Variants in MDGA2 observed in about 807,000 individuals in gnomAD.
The protein encoded by MDGA2 is MAM domain-containing glycosylphosphatidylinositol anchor protein 2.
A neutral mutation model predicts 117.8 loss-of-function variants in MDGA2; 40 were observed. That is an observed-to-expected ratio of 0.34 (90% CI 0.26 to 0.44). The LOEUF is 0.44. Among genes scored for constraint, MDGA2 ranks in the 20% least tolerant of loss-of-function variants. The pLI, the probability that MDGA2 is intolerant of heterozygous loss-of-function variation, is 1.00. For synonymous variants in MDGA2, 452 were observed against 439.0 expected (o/e 1.03, Z -0.37); for missense variants, 1,123 against 1,250.6 (o/e 0.90, Z 1.54).
intron 8 of MDGA2, among the ~76,000 whole-genome samples, chr14:46,995,523 A>G (rs1887255821): frequency 6.6e-6 from 1 of 152,164 alleles, no homozygotes; most frequent in African/African-American, 2.4e-5. Context: ...TTGACAGGTA[A>G]TCAATGTGTT....
rs767472566 is a variant in MDGA2, at chr14:47,155,885, CTTCTTTTTTTTTTTTTTTTTTTTTTTTTT to C, written c.596-11640_596-11612del. Among the ~76,000 whole-genome samples, 8 of 80,412 alleles carry C rather than the reference CTTCTTTTTTTTTTTTTTTTTTTTTTTTTT, an allele frequency of 9.9e-5. 1 individual carries two copies. The highest frequency in any genetic ancestry group is 1.1e-3 in the South Asian group (2 of 1,878). The allele number at this position is 80,412 out of a possible 152,430, so 52.8% of individuals were successfully genotyped here. A position where few individuals can be genotyped will look rare whatever the true frequency, so the allele number is the denominator to read the frequency against. On this transcript the variant is annotated intron_variant, in intron 3 of 16. Coordinates refer to ENST00000399232, the MANE Select transcript of MDGA2 (RefSeq NM_001113498.3). ...ACAATTCTTTTCTTTTCTTCTTCTT[CTTCTTTTTTTTTTTTTTTTTTTTTTTTTT>C]TTTTTTTTTTTTTTTTTGAGACAGA...
chr14:47,023,598 T>C (rs1273240135), intron 8 of MDGA2, among the ~76,000 whole-genome samples: 1 of 152,174 alleles, frequency 6.6e-6, no homozygotes, highest in Non-Finnish European at 1.5e-5. Flanking sequence ...TACAATATCC[T>C]AATTTGAAAT....
intron 2 of MDGA2, among the ~76,000 whole-genome samples, chr14:47,284,186 G>T (rs1888593886): frequency 6.6e-6 from 1 of 152,162 alleles, no homozygotes; most frequent in African/African-American, 2.4e-5. Flanking sequence ...TAACTTAAAA[G>T]AGACTATCCT....
chr14:47,230,828 A>G (rs918211241), intron 2 of MDGA2, among the ~76,000 whole-genome samples: 2 of 151,998 alleles, frequency 1.3e-5, no homozygotes, highest in African/African-American at 4.8e-5. Context: ...GGACCATTTT[A>G]AATGTTCATG....
At chr14:47,205,057 TAC>T (rs1466194488) in intron 3 of MDGA2, among the ~76,000 whole-genome samples, 2 of 151,946 alleles carry the variant, frequency 1.3e-5, no homozygotes, top group Non-Finnish European at 1.5e-5. Flanking sequence ...AAATGATATA[TAC>T]AGATACATAA....
chr14:47,262,104 C>T (rs1197493164), intron 2 of MDGA2, among the ~76,000 whole-genome samples: 7 of 152,070 alleles, frequency 4.6e-5, no homozygotes, highest in Admixed American at 2.6e-4. Context: ...AACCAGGCTA[C>T]GACAAGCAGA....
At chr14:47,241,127 G>A (rs1278456442) in intron 2 of MDGA2, among the ~76,000 whole-genome samples, 4 of 151,872 alleles carry the variant, frequency 2.6e-5, no homozygotes, top group Non-Finnish European at 5.9e-5. Context: ...GTCACTTGAT[G>A]TTGCAAAGTT....
chr14:47,197,413 C>T (rs1219161092), intron 3 of MDGA2, among the ~76,000 whole-genome samples: 3 of 151,936 alleles, frequency 2.0e-5, no homozygotes, highest in East Asian at 3.9e-4. Context: ...GCAGAAAGTG[C>T]TCCGTGGCTC....
chr14:47,615,824 A>G (rs568425546), intron 1 of MDGA2, among the ~76,000 whole-genome samples: 34 of 152,132 alleles, frequency 2.2e-4, no homozygotes, highest in Non-Finnish European at 4.9e-4. Context: ...GAAATCTGTG[A>G]GCAAATGGGA....
chr14:47,560,863 T>G (rs1458049259), intron 1 of MDGA2, among the ~76,000 whole-genome samples: 4 of 152,184 alleles, frequency 2.6e-5, no homozygotes, highest in Non-Finnish European at 2.9e-5. Flanking sequence ...TTGAATTGAT[T>G]TTTTATATAT....
At chr14:46,849,524 G>C (rs1880976192) in intron 15 of MDGA2, among the ~76,000 whole-genome samples, 1 of 151,804 alleles carries the variant, frequency 6.6e-6, no homozygotes, top group Admixed American at 6.6e-5. Flanking sequence ...GTTTCTGTGT[G>C]AGTTAGATTA....
intron 12 of MDGA2, among the ~76,000 whole-genome samples, chr14:46,875,984 A>T (rs1882212973): frequency 6.6e-6 from 1 of 151,598 alleles, no homozygotes; most frequent in Non-Finnish European, 1.5e-5. Flanking sequence ...CTATACAATA[A>T]TTTTTGAGAC....
At chr14:47,380,234 A>C (rs36163714) in intron 1 of MDGA2, among the ~76,000 whole-genome samples, 16,575 of 152,278 alleles carry the variant, frequency 0.11, 1,151 homozygotes, top group Non-Finnish European at 0.17. Flanking sequence ...TGTAGAGGGA[A>C]ATTTATAGCA....
intron 1 of MDGA2, among the ~76,000 whole-genome samples, chr14:47,348,134 G>GCT (rs1274703398): frequency 5.0e-5 from 7 of 140,534 alleles, no homozygotes; most frequent in Admixed American, 1.4e-4. Flanking sequence ...ATTGTATTGT[G>GCT]CTCTGTCTCT....
intron 1 of MDGA2, among the ~76,000 whole-genome samples, chr14:47,485,561 A>C (rs1156833402): frequency 6.6e-6 from 1 of 152,132 alleles, no homozygotes; most frequent in Non-Finnish European, 1.5e-5. Flanking sequence ...GTTAATCCCC[A>C]AGACAATGGA....
chr14:47,030,026 C>T (rs1420044711), intron 8 of MDGA2, among the ~76,000 whole-genome samples: 1 of 151,810 alleles, frequency 6.6e-6, no homozygotes, highest in Non-Finnish European at 1.5e-5. Flanking sequence ...TGGGGTTTCA[C>T]CATGTTGGCC....
intron 1 of MDGA2, among the ~76,000 whole-genome samples, chr14:47,373,924 TA>T (rs1245936954): frequency 6.6e-6 from 1 of 152,168 alleles, no homozygotes; most frequent in Non-Finnish European, 1.5e-5. Context: ...ACTCATTAAC[TA>T]AAAACCTTAT....
intron 1 of MDGA2, among the ~76,000 whole-genome samples, chr14:47,664,804 TA>T (rs1200545877): frequency 4.6e-5 from 7 of 152,262 alleles, no homozygotes; most frequent in Non-Finnish European, 8.8e-5. Context: ...TTTAGCACTC[TA>T]AAAATTTAGA....
intron 1 of MDGA2, among the ~76,000 whole-genome samples, chr14:47,468,415 T>C (rs959281820): frequency 3.3e-5 from 5 of 152,302 alleles, no homozygotes; most frequent in Admixed American, 2.6e-4. Context: ...CCCAATTATT[T>C]GTCCCTGTGT....
Sources: allele counts gnomAD v4.1 joint callset (sites outside exome capture counted in the v4.1 genomes callset), GRCh38; gene constraint gnomAD v4.1.1; transcripts MANE v1.5; gene names NCBI Gene and HGNC (gene_info 2026-07-23, HGNC 2026-07-21).